The following MAGI2 variants were observed in gnomAD, a reference collection of about 807,000 sequenced individuals.
MAGI2 encodes the protein membrane associated guanylate kinase, WW and PDZ domain containing 2.
MAGI2 carries 35 observed loss-of-function variants against 133.3 expected under a neutral mutation model. The observed-to-expected ratio is 0.26, with a 90% CI of 0.20 to 0.35. The LOEUF (loss-of-function observed/expected upper bound fraction) is 0.35. MAGI2 is among the 10% of genes least tolerant of loss of function. The probability of loss-of-function intolerance (pLI) is 1.00; values close to 1 mark genes in which losing one functional copy is unlikely to be tolerated. For synonymous variants in MAGI2, 729 were observed against 710.6 expected (o/e 1.03, Z -0.41); for missense variants, 1,636 against 1,863.4 (o/e 0.88, Z 2.25).
chr7:79,282,450 T>G (rs571663254), intron 1 of MAGI2, among the ~76,000 whole-genome samples: 1 of 152,338 alleles, frequency 6.6e-6, no homozygotes, highest in East Asian at 1.9e-4. Context: ...TTTATACTGT[T>G]GTTTTTGTTG....
At chr7:79,058,347 A>T (rs566568589) in intron 1 of MAGI2, among the ~76,000 whole-genome samples, 1 of 152,282 alleles carries the variant, frequency 6.6e-6, no homozygotes, top group African/African-American at 2.4e-5. Context: ...AGAAAACTCT[A>T]AAGAAATGAG....
chr7:79,306,653 A>T (rs934140340), intron 1 of MAGI2, among the ~76,000 whole-genome samples: 5 of 152,100 alleles, frequency 3.3e-5, no homozygotes, highest in African/African-American at 1.2e-4. Flanking sequence ...CTGGATTTCA[A>T]ACTTTCAACA....
At chr7:78,614,148 T>G (rs1229171634) in intron 3 of MAGI2, among the ~76,000 whole-genome samples, 3 of 151,700 alleles carry the variant, frequency 2.0e-5, no homozygotes, top group Non-Finnish European at 4.4e-5. Context: ...AAACTGTGAA[T>G]GTGGGCCTTT....
intron 1 of MAGI2, among the ~76,000 whole-genome samples, chr7:79,283,418 A>G (rs1664129470): frequency 6.6e-6 from 1 of 152,098 alleles, no homozygotes. Context: ...CTTTGTAACT[A>G]CCTAACAACC....
intron 2 of MAGI2, among the ~76,000 whole-genome samples, chr7:78,821,942 A>T (rs920043250): frequency 4.6e-5 from 7 of 152,060 alleles, no homozygotes; most frequent in African/African-American, 1.7e-4. Flanking sequence ...AACAGTTCAG[A>T]TGGAGGATGA....
At chr7:78,224,224 CATTTT>C (rs1386118469) in intron 10 of MAGI2, among the ~76,000 whole-genome samples, 2 of 152,084 alleles carry the variant, frequency 1.3e-5, no homozygotes, top group African/African-American at 4.8e-5. Flanking sequence ...AGAAACCAAA[CATTTT>C]ATTTATTTTA....
intron 1 of MAGI2, among the ~76,000 whole-genome samples, chr7:79,305,795 C>T (rs767501119): frequency 6.1e-4 from 93 of 151,874 alleles, no homozygotes; most frequent in Non-Finnish European, 1.1e-3. Flanking sequence ...GTGGCACATG[C>T]CTATAGTCCC....
intron 15 of MAGI2, among the ~76,000 whole-genome samples, chr7:78,161,933 C>A (rs1167967369): frequency 6.6e-6 from 1 of 152,150 alleles, no homozygotes; most frequent in Non-Finnish European, 1.5e-5. Context: ...CAAAGCCTTT[C>A]TTTCTGTTCA....
intron 10 of MAGI2, chr7:78,253,694 G>C (rs1406582192): frequency 2.0e-5 from 3 of 152,176 alleles, no homozygotes; most frequent in African/African-American, 7.2e-5. Flanking sequence ...GGATAGGACA[G>C]ACAATTACTT....
Position 78,839,074 on chromosome 7 carries a change from G to A in MAGI2, c.418+168016C>T, listed in dbSNP as rs114069718. Among the ~76,000 whole-genome samples, 317 of 152,056 alleles carry A rather than the reference G, an allele frequency of 2.1e-3. 3 individuals are homozygous for A. Among genetic ancestry groups the A allele is most frequent in the African/African-American group, 7.3e-3 (304 of 41,506 alleles). On this transcript the variant is annotated intron_variant, in intron 2 of 21. Coordinates refer to ENST00000354212, the MANE Select transcript of MAGI2 (RefSeq NM_012301.4). ...TAAGACAGCATAGGGAAGAAGAAAG[G>A]GATTTAGTGAGGGTGGAATGGGAGG...
chr7:79,452,327 G>A (rs1022045401), intron 1 of MAGI2, among the ~76,000 whole-genome samples: 15 of 152,342 alleles, frequency 9.8e-5, no homozygotes, highest in East Asian at 9.7e-4. Flanking sequence ...CTGGCTAGGG[G>A]TGAGCGCAGG....
intron 1 of MAGI2, among the ~76,000 whole-genome samples, chr7:79,109,537 A>G (rs1376547705): frequency 2.6e-5 from 4 of 152,220 alleles, no homozygotes; most frequent in Admixed American, 6.5e-5. Context: ...TAAAAGCCCA[A>G]CTTCGATACA....
chr7:78,319,381 G>A (rs1787761528), intron 9 of MAGI2, among the ~76,000 whole-genome samples: 1 of 152,182 alleles, frequency 6.6e-6, no homozygotes, highest in Non-Finnish European at 1.5e-5. Context: ...GTGATTGGAA[G>A]TAAGACACTC....
chr7:78,823,767 C>T (rs1197674929), intron 2 of MAGI2, among the ~76,000 whole-genome samples: 1 of 152,010 alleles, frequency 6.6e-6, no homozygotes, highest in African/African-American at 2.4e-5. Flanking sequence ...TCAGCATATG[C>T]TAAGAAAATG....
chr7:78,071,601 G>T (rs1215746436), intron 21 of MAGI2, among the ~76,000 whole-genome samples: 1 of 152,164 alleles, frequency 6.6e-6, no homozygotes, highest in Non-Finnish European at 1.5e-5. Context: ...ATTTACTGCA[G>T]TTTTTATGGT....
intron 2 of MAGI2, among the ~76,000 whole-genome samples, chr7:78,937,268 A>T (rs565332887): frequency 3.9e-5 from 6 of 152,272 alleles, no homozygotes; most frequent in African/African-American, 1.4e-4. Context: ...CCATTGAAAA[A>T]AAGAAATCTG....
chr7:79,266,709 C>T (rs773643346), intron 1 of MAGI2, among the ~76,000 whole-genome samples: 7 of 152,108 alleles, frequency 4.6e-5, no homozygotes, highest in Admixed American at 3.9e-4. Context: ...CTGCCCCATA[C>T]TCGGGAAACT....
Position 78,569,545 on chromosome 7 carries a change from T to C in MAGI2, c.539-47900A>G, listed in dbSNP as rs114017375. Among the ~76,000 whole-genome samples, 1,034 of 152,142 alleles carry C rather than the reference T, an allele frequency of 6.8e-3. 9 individuals are homozygous for C. Among genetic ancestry groups the C allele is most frequent in the African/African-American group, 0.024 (992 of 41,516 alleles). On this transcript the variant is annotated intron_variant, in intron 3 of 21. Transcript: ENST00000354212. ...GTTTTAATTTAAGTCCTGCCCAATA[T>C]CACTTGCGTTTAAGAAAACAATTTT...
chr7:79,185,623 T>C (rs1355163235), intron 1 of MAGI2, among the ~76,000 whole-genome samples: 1 of 151,498 alleles, frequency 6.6e-6, no homozygotes. Context: ...CAACCTCCAT[T>C]CAGCCATTTC....
Sources: gnomAD v4.1 joint callset for allele counts (sites outside exome capture counted in the v4.1 genomes callset) on GRCh38, gnomAD v4.1.1 for gene constraint, MANE v1.5 for transcripts, NCBI Gene and HGNC (gene_info 2026-07-23, HGNC 2026-07-21) for gene names.